PHTF2: variants seen among roughly 807,000 people sequenced by gnomAD.
The protein encoded by PHTF2 is protein PHTF2.
PHTF2 carries 60 observed loss-of-function variants against 101.2 expected under a neutral mutation model. The observed-to-expected ratio is 0.59, with a 90% CI of 0.48 to 0.73. PHTF2 has a LOEUF of 0.73. Ranked by LOEUF, PHTF2 falls within the 30% of genes least tolerant of loss-of-function variation. The probability of loss-of-function intolerance (pLI) is 0.00; values close to 1 mark genes in which losing one functional copy is unlikely to be tolerated. For missense variants in PHTF2, 747 were observed against 908.7 expected (o/e 0.82, Z 2.29); for synonymous variants, 311 against 307.3 (o/e 1.01, Z -0.13).
In PHTF2 at chr7:77,951,590, G is replaced by A. The variant is rs977409224; in HGVS notation, c.2116-27G>A. ...TAAAAATGTGTATTTATTATAATTT[G>A]AAGCATTTCTATTCTTTTTATAAAA... On this transcript the variant is annotated intron_variant, in intron 17 of 19. Transcript: ENST00000416283. 3 of 908,246 alleles carry A rather than the reference G, an allele frequency of 3.3e-6. No homozygotes were observed. The African/African-American group carries it at 5.2e-5, about 16-fold the overall frequency. 56.3% of individuals were successfully genotyped at this position (908,246 alleles called of 1,614,324 possible). A position where few individuals can be genotyped will look rare whatever the true frequency, so the allele number is the denominator to read the frequency against.
chr7:77,950,607 A>G (rs1417934262), intron 17 of PHTF2, among the ~76,000 whole-genome samples: 1 of 152,114 alleles, frequency 6.6e-6, no homozygotes, highest in African/African-American at 2.4e-5. Context: ...GTGAGCTGAG[A>G]TTGTGCCACT....
At chr7:77,933,202 C>T (rs1362510227) in intron 12 of PHTF2, among the ~76,000 whole-genome samples, 1 of 152,168 alleles carries the variant, frequency 6.6e-6, no homozygotes, top group African/African-American at 2.4e-5. Flanking sequence ...GGCACCACTG[C>T]ACTCCAGCCT....
At chr7:77,813,623 T>C (rs1793618572) in intron 1 of PHTF2, among the ~76,000 whole-genome samples, 1 of 152,366 alleles carries the variant, frequency 6.6e-6, no homozygotes, top group East Asian at 1.9e-4. Flanking sequence ...CTGTGTGTTA[T>C]ATTGCTGAAA....
At chr7:77,881,970 G>GA (rs1799461758) in intron 3 of PHTF2, among the ~76,000 whole-genome samples, 1 of 151,960 alleles carries the variant, frequency 6.6e-6, no homozygotes, top group East Asian at 1.9e-4. Context: ...TCTCTTCATT[G>GA]AAATAAAAAA....
intron 1 of PHTF2, among the ~76,000 whole-genome samples, chr7:77,810,960 A>G (rs534626543): frequency 4.9e-4 from 74 of 150,910 alleles, no homozygotes; most frequent in Middle Eastern, 3.6e-3. Flanking sequence ...CTGGAATGCA[A>G]TGGCGCCAGC....
At chr7:77,947,894 A>G (rs1209994293) in intron 16 of PHTF2, among the ~76,000 whole-genome samples, 1 of 123,494 alleles carries the variant, frequency 8.1e-6, no homozygotes, top group Admixed American at 1.1e-4. Context: ...GCTGGAGTGC[A>G]GTGGCACGAT....
chr7:77,819,119 A>C (rs1296987068), intron 1 of PHTF2, among the ~76,000 whole-genome samples: 1 of 152,218 alleles, frequency 6.6e-6, no homozygotes, highest in Non-Finnish European at 1.5e-5. Context: ...TTCATCTATC[A>C]GTTCTAAGAG....
At chr7:77,915,145 G>A (rs932548452) in intron 9 of PHTF2, among the ~76,000 whole-genome samples, 4 of 151,818 alleles carry the variant, frequency 2.6e-5, no homozygotes, top group Non-Finnish European at 5.9e-5. Context: ...CCTTGACTTC[G>A]TGATCCTCCT....
chr7:77,856,590 G>A (rs537284012), intron 3 of PHTF2, among the ~76,000 whole-genome samples: 162 of 152,162 alleles, frequency 1.1e-3, no homozygotes, highest in African/African-American at 3.6e-3. Context: ...TCCTAGGCTC[G>A]AAGTCCTGGG....
chr7:77,803,567 C>T (rs1007087387), intron 1 of PHTF2, among the ~76,000 whole-genome samples: 1 of 152,036 alleles, frequency 6.6e-6, no homozygotes, highest in Non-Finnish European at 1.5e-5. Flanking sequence ...AATGGAGTTA[C>T]CTACTTTGCG....
chr7:77,917,998 A>G (rs1167117375), intron 9 of PHTF2, among the ~76,000 whole-genome samples: 2 of 152,170 alleles, frequency 1.3e-5, no homozygotes, highest in Non-Finnish European at 2.9e-5. Flanking sequence ...CAACCCAGAG[A>G]AGATTGGAGG....
intron 3 of PHTF2, among the ~76,000 whole-genome samples, chr7:77,863,296 A>T (rs1382985854): frequency 3.9e-5 from 6 of 152,244 alleles, no homozygotes; most frequent in Non-Finnish European, 7.3e-5. Context: ...AGAGCTAGTT[A>T]GTAAGGTAGC....
At chr7:77,948,128 C>G (rs1218485499) in intron 16 of PHTF2, among the ~76,000 whole-genome samples, 1 of 152,092 alleles carries the variant, frequency 6.6e-6, no homozygotes, top group Non-Finnish European at 1.5e-5. Context: ...GCGTGAGCCA[C>G]TATGCCTGGC....
chr7:77,867,856 T>C (rs1798192456), intron 3 of PHTF2, among the ~76,000 whole-genome samples: 1 of 152,226 alleles, frequency 6.6e-6, no homozygotes, highest in South Asian at 2.1e-4. Flanking sequence ...TGTGCAGTTC[T>C]CCTTTACATA....
intron 3 of PHTF2, among the ~76,000 whole-genome samples, chr7:77,873,929 G>A (rs995607944): frequency 5.9e-5 from 9 of 152,174 alleles, no homozygotes; most frequent in Non-Finnish European, 1.5e-5. Flanking sequence ...TTCTCTAGGG[G>A]AGATAAGACT....
At chr7:77,856,415 G>A (rs184367563) in intron 3 of PHTF2, among the ~76,000 whole-genome samples, 131 of 152,030 alleles carry the variant, frequency 8.6e-4, no homozygotes, top group Admixed American at 1.8e-3. Context: ...GAGTACAGTG[G>A]TGTGCTCATA....
Position 77,933,610 on chromosome 7 carries a change from C to G in PHTF2, c.1339-4100C>G, listed in dbSNP as rs10270825. On this transcript the variant is annotated intron_variant, in intron 12 of 19. Transcript: ENST00000416283. Reference sequence around the variant, plus strand: ...TTGAATGAGTCATCTGCATATTCATCTAAGTCACTGAGACTAACAACTGGA... The same window carrying G: ...TTGAATGAGTCATCTGCATATTCATGTAAGTCACTGAGACTAACAACTGGA... Among the ~76,000 whole-genome samples the G allele has an allele frequency of 2.8e-4, 42 of 152,016 alleles. No individual in the cohort carries two copies. In the South Asian group the frequency reaches 8.7e-3, roughly 32 times the overall value.
At chr7:77,849,493 G>C (rs915177600) in intron 2 of PHTF2, among the ~76,000 whole-genome samples, 2 of 152,146 alleles carry the variant, frequency 1.3e-5, no homozygotes, top group African/African-American at 4.8e-5. Context: ...CATGCAATGT[G>C]ATTCCTCCAG....
intron 11 of PHTF2, among the ~76,000 whole-genome samples, chr7:77,925,534 A>G (rs1161144937): frequency 1.1e-5 from 1 of 90,126 alleles, no homozygotes; most frequent in African/African-American, 5.3e-5. Flanking sequence ...TTTGAGACAG[A>G]GTTTCACTCT....
Sources: gnomAD v4.1 joint callset for allele counts (sites outside exome capture counted in the v4.1 genomes callset) on GRCh38, gnomAD v4.1.1 for gene constraint, MANE v1.5 for transcripts, NCBI Gene and HGNC (gene_info 2026-07-23, HGNC 2026-07-21) for gene names.